MMD2: variants seen among roughly 807,000 people sequenced by gnomAD.
The protein encoded by MMD2 is monocyte to macrophage differentiation factor 2.
MMD2 carries 30 observed loss-of-function variants against 33.5 expected under a neutral mutation model. The ratio of observed to expected loss-of-function variants is 0.90; its 90% CI spans 0.67 to 1.22. The LOEUF (loss-of-function observed/expected upper bound fraction) is 1.22. Among genes scored for constraint, MMD2 ranks in the 50% most tolerant of loss-of-function variants. The pLI, the probability that MMD2 is intolerant of heterozygous loss-of-function variation, is 0.00. For missense variants in MMD2, 364 were observed against 325.4 expected, an observed-to-expected ratio of 1.12 and a Z score of -0.91; for synonymous variants, 129 against 123.0, an observed-to-expected ratio of 1.05 and a Z score of -0.32.
chr7:4,920,471 C>A (rs1179984225), intron 2 of MMD2, 140 bp from the exon 3 acceptor site: 2 of 770,192 alleles, frequency 2.6e-6, no homozygotes, highest in Non-Finnish European at 4.2e-6. Flanking sequence ...AGAACGGAAT[C>A]ATTTTATTTC....
chr7:4,916,117 A>T, intron 3 of MMD2, 38 bp from the exon 4 acceptor site: 2 of 1,591,976 alleles, frequency 1.3e-6, no homozygotes, highest in Non-Finnish European at 1.7e-6. Context: ...CAGCCCCTGC[A>T]CAGCAGGGAA....
At chr7:4,948,592 G>A (rs958617279) in intron 1 of MMD2, among the ~76,000 whole-genome samples, 16 of 151,970 alleles carry the variant, frequency 1.1e-4, no homozygotes, top group African/African-American at 3.6e-4. Flanking sequence ...ATTAGGAGGC[G>A]GGGCCTCTGG....
intron 4 of MMD2, among the ~76,000 whole-genome samples, chr7:4,912,105 C>CA (rs1785029183): frequency 6.7e-6 from 1 of 149,728 alleles, no homozygotes; most frequent in African/African-American, 2.5e-5. Context: ...GACCCTGTCT[C>CA]AAAAAAATTA....
chr7:4,926,643 C>T (rs770736795), intron 1 of MMD2, among the ~76,000 whole-genome samples: 1 of 152,158 alleles, frequency 6.6e-6, no homozygotes, highest in Non-Finnish European at 1.5e-5. Context: ...TCAATAAACT[C>T]CCGCAGAACA....
chr7:4,944,273 A>G (rs961621859), intron 1 of MMD2, among the ~76,000 whole-genome samples: 2 of 151,924 alleles, frequency 1.3e-5, no homozygotes, highest in African/African-American at 4.8e-5. Flanking sequence ...AGAAAAAAAA[A>G]ATTGGAATCT....
At chr7:4,899,735 G>A in the MMD2 span, among the ~76,000 whole-genome samples, 14 of 152,208 alleles carry the variant, frequency 9.2e-5, no homozygotes, top group East Asian at 2.7e-3. Flanking sequence ...CAACAAAAAG[G>A]CTTGAAAAAC....
chr7:4,933,554 G>A (rs567329515), intron 1 of MMD2, among the ~76,000 whole-genome samples: 171 of 151,424 alleles, frequency 1.1e-3, no homozygotes, highest in Non-Finnish European at 2.0e-3. Flanking sequence ...GGTGTTGCAC[G>A]TCCCTTCCTT....
chr7:4,910,318 A>G lies in MMD2; in HGVS notation c.468-368T>C, dbSNP rs182195689. Among the ~76,000 whole-genome samples the G allele has an allele frequency of 3.3e-5, 5 of 152,272 alleles. No homozygotes were observed. The East Asian group carries it at 9.7e-4, about 29-fold the overall frequency. On this transcript the variant is annotated intron_variant, in intron 5 of 6. Coordinates refer to ENST00000401401, the MANE Select transcript of MMD2 (RefSeq NM_198403.4). ...CTCTTCCCACAAGGCCCAAGCAGCC[A>G]CTTCCAATTGAGCTGGGTTGCTGCA... is the stretch of plus-strand genomic sequence containing the variant.
the MMD2 span, among the ~76,000 whole-genome samples, chr7:4,892,953 A>T: frequency 1.3e-5 from 2 of 152,070 alleles, no homozygotes. Flanking sequence ...TGATATCATG[A>T]TCCTCACGCC....
At chr7:4,919,525 A>G (rs536174927) in intron 3 of MMD2, among the ~76,000 whole-genome samples, 6 of 151,714 alleles carry the variant, frequency 4.0e-5, no homozygotes, top group Admixed American at 6.6e-5. Flanking sequence ...CTGAGACTGT[A>G]CCACTGCACT....
At chr7:4,944,404 G>A (rs1785993951) in intron 1 of MMD2, among the ~76,000 whole-genome samples, 1 of 152,158 alleles carries the variant, frequency 6.6e-6, no homozygotes, top group South Asian at 2.1e-4. Context: ...GGAGCCAGGG[G>A]TGAGCCCACC....
chr7:4,944,029 G>A (rs954791531), intron 1 of MMD2, among the ~76,000 whole-genome samples: 1 of 151,762 alleles, frequency 6.6e-6, no homozygotes, highest in African/African-American at 2.4e-5. Flanking sequence ...GAACTCTTTA[G>A]CTCAAGCAAT....
chr7:4,955,487 A>T (rs1285246429), intron 1 of MMD2, among the ~76,000 whole-genome samples: 1 of 152,174 alleles, frequency 6.6e-6, no homozygotes, highest in Non-Finnish European at 1.5e-5. Flanking sequence ...CACAATCTAC[A>T]TGTGGTTATT....
intron 1 of MMD2, among the ~76,000 whole-genome samples, chr7:4,945,898 A>G (rs1005155889): frequency 5.3e-5 from 8 of 152,186 alleles, no homozygotes; most frequent in African/African-American, 1.4e-4. Flanking sequence ...CCTCCAGGAC[A>G]GAGGAGTGAA....
At chr7:4,897,478 A>C in the MMD2 span, among the ~76,000 whole-genome samples, 1 of 152,326 alleles carries the variant, frequency 6.6e-6, no homozygotes, top group East Asian at 1.9e-4. Flanking sequence ...TAGACATTAT[A>C]GGTCTATAAA....
intron 6 of MMD2, among the ~76,000 whole-genome samples, chr7:4,908,635 C>T (rs562641672): frequency 7.2e-5 from 11 of 151,838 alleles, no homozygotes; most frequent in Non-Finnish European, 1.6e-4. Flanking sequence ...CACGGTGGCT[C>T]ACGCCTATAA....
rs886373772 is a variant in MMD2 at position 4,928,092 on chromosome 7, G to A, written c.48-2560C>T. Among the ~76,000 whole-genome samples the A allele has an allele frequency of 3.9e-5, 6 of 152,258 alleles. No individual in the cohort carries two copies. In the East Asian group the frequency reaches 5.8e-4, roughly 15 times the overall value. On this transcript the variant is annotated intron_variant, in intron 1 of 6. Coordinates refer to ENST00000401401, the MANE Select transcript of MMD2 (RefSeq NM_198403.4). The stretch of plus-strand genomic sequence containing the variant: ...GGACCACAGCAGCGTGCATGTCTTC[G>A]GCCCACACAGGCTCGGAATCAGCTC...
intron 1 of MMD2, among the ~76,000 whole-genome samples, chr7:4,934,880 GGT>G (rs755959955): frequency 6.6e-6 from 1 of 152,178 alleles, no homozygotes; most frequent in Non-Finnish European, 1.5e-5. Context: ...CTAGCCAGCA[GGT>G]GTCATAAAGA....
intron 1 of MMD2, among the ~76,000 whole-genome samples, chr7:4,929,574 G>A (rs2965041): frequency 0.74 from 112,125 of 151,682 alleles, 41,822 homozygotes; most frequent in East Asian, 1. Context: ...GCCCAGGCTG[G>A]AGTGCAATGG....
Sources: allele counts gnomAD v4.1 joint callset (sites outside exome capture counted in the v4.1 genomes callset), GRCh38; gene constraint gnomAD v4.1.1; transcripts MANE v1.5; gene names NCBI Gene and HGNC (gene_info 2026-07-23, HGNC 2026-07-21).